Variants in FBXW2 observed in about 807,000 individuals in gnomAD.
FBXW2 encodes the protein F-box and WD repeat domain containing 2, also known as F-box/WD repeat-containing protein 2.
FBXW2 carries 12 observed loss-of-function variants against 46.0 expected under a neutral mutation model. That is an observed-to-expected ratio of 0.26 (90% CI 0.17 to 0.42). The LOEUF is 0.42. Among genes scored for constraint, FBXW2 ranks in the 10% least tolerant of loss-of-function variants. The pLI is 1.00. For missense variants in FBXW2, 360 were observed against 537.0 expected, an observed-to-expected ratio of 0.67 and a Z score of 3.26; for synonymous variants, 203 against 209.6, an observed-to-expected ratio of 0.97 and a Z score of 0.27.
chr9:120,787,164 G>A (rs1006225711), intron 3 of FBXW2, among the ~76,000 whole-genome samples: 6 of 152,216 alleles, frequency 3.9e-5, no homozygotes, highest in Admixed American at 6.5e-5. Context: ...GAGTAGCTGG[G>A]ATTATAGGCG....
intron 7 of FBXW2, among the ~76,000 whole-genome samples, chr9:120,765,661 CT>C (rs2044263743): frequency 6.6e-6 from 1 of 152,148 alleles, no homozygotes; most frequent in South Asian, 2.1e-4. Context: ...AGCCAAGTGA[CT>C]AAAGTGCTAC....
chr9:120,771,344 T>G lies in FBXW2; in HGVS notation c.1076+4A>C. 1 of 1,607,900 alleles carries G rather than the reference T, an allele frequency of 6.2e-7. No homozygotes were observed. Among genetic ancestry groups the G allele is most frequent in the Non-Finnish European group, 8.5e-7 (1 of 1,177,358 alleles). Reference sequence around the variant, plus strand: ...GTAAAGCGTGAGGTCGAAGGAAACATTACCTGAGAATATCATAACTGGCAA... The same window carrying G: ...GTAAAGCGTGAGGTCGAAGGAAACAGTACCTGAGAATATCATAACTGGCAA... On this transcript the variant is annotated splice_donor_region_variant and intron_variant, in intron 7 of 7. Transcript: ENST00000608872.
At position 120,759,109 on chromosome 9, in the gene FBXW2, A is replaced by G. The variant is rs1237564774; in HGVS notation, c.*5450T>C. The G allele has an allele frequency of 6.6e-6, 1 of 152,222 alleles. No individual in the cohort carries two copies. The highest frequency in any genetic ancestry group is 2.4e-5 in the African/African-American group (1 of 41,460). The allele number at this position is 152,222 out of a possible 1,614,324, so 9.4% of individuals were successfully genotyped here. On this transcript the variant is annotated 3_prime_UTR_variant, in exon 8 of 8. Transcript: ENST00000608872. ...GGGGTTGTTCTATTTTCAAAAACAC[A>G]CTGACTTTTGAAAAGTCCCTGCATT...
At chr9:120,777,611 T>C (rs2044524470) in intron 4 of FBXW2, among the ~76,000 whole-genome samples, 2 of 152,224 alleles carry the variant, frequency 1.3e-5, no homozygotes, top group East Asian at 1.9e-4. Context: ...AGACTATGAT[T>C]CTCAGAGGCT....
rs2044224460 is a variant in FBXW2 at position 120,763,397 on chromosome 9, T to G, written c.*1162A>C. The G allele has an allele frequency of 6.6e-6, 1 of 152,200 alleles. No individual in the cohort carries two copies. The highest frequency in any genetic ancestry group is 1.5e-5 in the Non-Finnish European group (1 of 68,050). The allele number at this position is 152,200 out of a possible 1,614,324, so 9.4% of individuals were successfully genotyped here. On this transcript the variant is annotated 3_prime_UTR_variant, in exon 8 of 8. Coordinates refer to ENST00000608872, the MANE Select transcript of FBXW2 (RefSeq NM_012164.4). ...AAGTTAACTTGCCTGAGGCTGCAGA[T>G]TAAGTTAGAGGCAAAGGAGGAAGTT...
At chr9:120,792,912 A>G in intron 2 of FBXW2, 1 of 1,527,688 alleles carries the variant, frequency 6.5e-7, no homozygotes, top group Non-Finnish European at 8.8e-7. Context: ...ACCCACAATT[A>G]TGGCGCAGTA....
In FBXW2 at chr9:120,788,264, T is replaced by C; in HGVS notation, c.-6A>G. On this transcript the variant is annotated 5_prime_UTR_variant, in exon 3 of 8. It adds an upstream start codon to the 5' untranslated region. Transcript: ENST00000608872. ...TCAAAGTCCTTTCTCTCCATAAGGT[T>C]ATGGAAAAATTTACCTGTGGCACAT... 6.2e-7 allele frequency: 1 copy of C among 1,611,438 alleles called. No homozygotes were observed. The highest frequency in any genetic ancestry group is 8.5e-7 in the Non-Finnish European group (1 of 1,179,674).
chr9:120,772,509 A>AC lies in FBXW2; in HGVS notation c.906+244_906+245insG, dbSNP rs397704373. Among the ~76,000 whole-genome samples the AC allele has an allele frequency of 5.6e-3, 841 of 150,006 alleles. 4 individuals are homozygous for AC. The highest frequency in any genetic ancestry group is 0.01 in the Middle Eastern group (3 of 294). On this transcript the variant is annotated intron_variant, in intron 6 of 7. Coordinates refer to ENST00000608872, the MANE Select transcript of FBXW2 (RefSeq NM_012164.4). Reference sequence around the variant, plus strand: ...CTGTCTCAAAAAAAAACCAACAACAAAAATTAAGAATAAGCTGAACATAAA... The same window carrying AC: ...CTGTCTCAAAAAAAAACCAACAACAACAAATTAAGAATAAGCTGAACATAAA...
intron 7 of FBXW2, among the ~76,000 whole-genome samples, chr9:120,770,480 T>C (rs1160371594): frequency 2.0e-5 from 3 of 152,072 alleles, no homozygotes; most frequent in African/African-American, 4.8e-5. Flanking sequence ...TATTAATAAG[T>C]GTGTGCACAA....
At chr9:120,787,055 GTCTCAC>G (rs1290543432) in intron 3 of FBXW2, among the ~76,000 whole-genome samples, 4 of 152,140 alleles carry the variant, frequency 2.6e-5, no homozygotes, top group African/African-American at 9.7e-5. Context: ...TTGAGATGGA[GTCTCAC>G]TCTGTCACCC....
chr9:120,781,623 A>G (rs1443756245), intron 3 of FBXW2, among the ~76,000 whole-genome samples: 3 of 138,908 alleles, frequency 2.2e-5, no homozygotes, highest in African/African-American at 7.8e-5. Context: ...CATGGAATAT[A>G]TTTTATATAC....
chr9:120,792,920 G>A, intron 2 of FBXW2: 1 of 1,529,772 alleles, frequency 6.5e-7, no homozygotes, highest in Non-Finnish European at 8.7e-7. Flanking sequence ...TTATGGCGCA[G>A]TATAGCGCTT....
intron 3 of FBXW2, among the ~76,000 whole-genome samples, chr9:120,782,841 AC>A (rs1005011022): frequency 5.9e-5 from 9 of 152,174 alleles, no homozygotes; most frequent in African/African-American, 2.2e-4. Flanking sequence ...ACAGAGTGAG[AC>A]CTTATCTCAA....
chr9:120,774,136 G>A (rs905176518), intron 5 of FBXW2, among the ~76,000 whole-genome samples: 8 of 152,078 alleles, frequency 5.3e-5, no homozygotes, highest in Admixed American at 5.2e-4. Context: ...AGGAGTTCGA[G>A]ACCAGCCTGG....
intron 7 of FBXW2, among the ~76,000 whole-genome samples, chr9:120,766,651 G>A (rs931868041): frequency 1.3e-5 from 2 of 152,078 alleles, no homozygotes; most frequent in African/African-American, 4.8e-5. Flanking sequence ...TTTTAGTAGA[G>A]ATGAGGTTTT....
Position 120,776,142 on chromosome 9 carries a change from G to A in FBXW2, c.770C>T (p.Ala257Val). ...GGTGAGTGTGTTCAGGCATGTCCCA[G>A]CAGATAAAGCCCATACTTTCACAGT... ...DFTVKVWALS[A>V]GTCLNTLTGH... Residue 257 changes from alanine (A) to valine (V), a missense_variant, in exon 5 of 8, where the codon GCT becomes GTT. By Grantham distance (64) the Ala-to-Val change is moderately conservative (BLOSUM62 0). Transcript: ENST00000608872. 6.2e-7 allele frequency: 1 copy of A among 1,614,098 alleles called. No homozygotes were observed. Among genetic ancestry groups the A allele is most frequent in the Non-Finnish European group, 8.5e-7 (1 of 1,180,034 alleles).
In FBXW2 at chr9:120,787,925, A is replaced by C. The variant is rs771108993; in HGVS notation, c.334T>G (p.Ser112Ala). 9 of 1,614,120 alleles carry C rather than the reference A, an allele frequency of 5.6e-6. No homozygotes were observed. The East Asian group carries it at 1.8e-4, about 32-fold the overall frequency. The change falls in exon 3 of 8, where the codon TCT (serine) becomes GCT (alanine). Residue 112 changes from serine to alanine, a missense_variant. Physicochemically the swap from Ser to Ala is moderately conservative, Grantham distance 99. Coordinates refer to ENST00000608872, the MANE Select transcript of FBXW2 (RefSeq NM_012164.4). ...CKNLGWQIDD[S>A]VQDALHWKKV... ...TTCCAGTGCAAAGCGTCCTGAACAG[A>C]ATCATCTATCTGCCAGCCCAAATTT...
chr9:120,772,888 TATA>T, intron 5 of FBXW2, 48 bp from the exon 6 acceptor site: 1 of 1,237,674 alleles, frequency 8.1e-7, no homozygotes, highest in Non-Finnish European at 1.2e-6. Context: ...ATGCTGCTCC[TATA>T]ATGATTTTAT....
chr9:120,763,043 T>G lies in FBXW2; in HGVS notation c.*1516A>C, dbSNP rs979764376. 1 of 152,228 alleles carries G rather than the reference T, an allele frequency of 6.6e-6. No individual in the cohort carries two copies. Among genetic ancestry groups the G allele is most frequent in the African/African-American group, 2.4e-5 (1 of 41,458 alleles). 9.4% of individuals were successfully genotyped at this position (152,228 alleles called of 1,614,324 possible). A position where few individuals can be genotyped will look rare whatever the true frequency, so the allele number is the denominator to read the frequency against. On this transcript the variant is annotated 3_prime_UTR_variant, in exon 8 of 8. Transcript: ENST00000608872. The stretch of plus-strand genomic sequence containing the variant: ...GACACAATCTGGCAACCCAGGGACA[T>G]GTTTTGTTTGGCTCACCTTATTTCA...
Sources: allele counts gnomAD v4.1 joint callset (sites outside exome capture counted in the v4.1 genomes callset), GRCh38; gene constraint gnomAD v4.1.1; transcripts MANE v1.5; gene names NCBI Gene and HGNC (gene_info 2026-07-23, HGNC 2026-07-21).